G3BP2: variants seen among roughly 807,000 people sequenced by gnomAD.
G3BP2 encodes the protein ras GTPase-activating protein-binding protein 2.
Under a neutral mutation model 56.7 loss-of-function variants are expected in G3BP2, and 11 were observed. The ratio of observed to expected loss-of-function variants is 0.19; its 90% CI spans 0.12 to 0.32. The LOEUF is 0.32. G3BP2 is among the 10% of genes least tolerant of loss of function. The pLI is 1.00. For synonymous variants in G3BP2, 165 were observed against 191.6 expected (o/e 0.86, Z 1.15); for missense variants, 340 against 610.9 (o/e 0.56, Z 4.67).
At chr4:75,703,502 G>A (rs1719425684) in intron 3 of G3BP2, among the ~76,000 whole-genome samples, 1 of 152,096 alleles carries the variant, frequency 6.6e-6, no homozygotes, top group African/African-American at 2.4e-5. Flanking sequence ...GTCCTAAAAT[G>A]TATACGACTG....
Position 75,655,229 on chromosome 4 carries a change from G to C in G3BP2, c.563C>G (p.Pro188Arg), listed in dbSNP as rs964918593. 2 of 1,612,008 alleles carry C rather than the reference G, an allele frequency of 1.2e-6. No individual in the cohort carries two copies. Among genetic ancestry groups the C allele is most frequent in the Non-Finnish European group, 1.7e-6 (2 of 1,178,560 alleles). Residue 188 changes from proline to arginine, a missense_variant, in exon 7 of 12, where the codon CCT (proline) becomes CGT (arginine). By Grantham distance (103) the Pro-to-Arg change is moderately radical (BLOSUM62 -2). Transcript: ENST00000359707. ...AGGTTCATGAGAGGATTCTTCCAAA[G>C]GCTCCTCTATGCCATTACTACAATA... is the stretch of plus-strand genomic sequence containing the variant. Reference protein sequence around the residue: ...AHPVTNGIEEPLEESSHEPEP... With the variant: ...AHPVTNGIEERLEESSHEPEP...
At chr4:75,685,136 A>G (rs1057262805) in intron 3 of G3BP2, among the ~76,000 whole-genome samples, 4 of 152,062 alleles carry the variant, frequency 2.6e-5, no homozygotes, top group East Asian at 1.9e-4. Flanking sequence ...GCAACTTCCT[A>G]TTAATCTATA....
chr4:75,713,764 A>C (rs888593511), intron 3 of G3BP2, among the ~76,000 whole-genome samples: 17 of 152,344 alleles, frequency 1.1e-4, no homozygotes, highest in Middle Eastern at 3.4e-3. Flanking sequence ...ACTGCAGCCC[A>C]GGCGACACAG....
intron 3 of G3BP2, among the ~76,000 whole-genome samples, chr4:75,695,478 T>C (rs1000719658): frequency 1.3e-5 from 2 of 152,010 alleles, no homozygotes; most frequent in Non-Finnish European, 2.9e-5. Context: ...CCCCAGAAAT[T>C]AGCCAAAAAT....
chr4:75,646,889 C>T (rs1286255895), intron 10 of G3BP2, 140 bp downstream of exon 10: 1 of 572,304 alleles, frequency 1.7e-6, no homozygotes, highest in Non-Finnish European at 3.0e-6. Context: ...CTCCCTTCTG[C>T]ACAATTAAGG....
intron 1 of G3BP2, among the ~76,000 whole-genome samples, chr4:75,723,335 T>C (rs1461762906): frequency 2.0e-5 from 3 of 152,152 alleles, no homozygotes; most frequent in Admixed American, 2.0e-4. Flanking sequence ...GATGTTTTGT[T>C]GTTGTTAGTC....
At chr4:75,716,391 T>C (rs1335786260) in intron 3 of G3BP2, among the ~76,000 whole-genome samples, 1 of 152,176 alleles carries the variant, frequency 6.6e-6, no homozygotes, top group African/African-American at 2.4e-5. Flanking sequence ...GCCAGGCTAG[T>C]CTCAAACTCT....
intron 1 of G3BP2, among the ~76,000 whole-genome samples, chr4:75,665,256 C>T (rs989103939): frequency 1.2e-4 from 18 of 152,032 alleles, no homozygotes; most frequent in Non-Finnish European, 2.4e-4. Context: ...CCTTCTTAAA[C>T]TCTCAAACTT....
chr4:75,687,406 C>T (rs1327516508), intron 3 of G3BP2, among the ~76,000 whole-genome samples: 1 of 152,164 alleles, frequency 6.6e-6, no homozygotes, highest in Non-Finnish European at 1.5e-5. Flanking sequence ...ACCTCCTCAG[C>T]CATGTGGAAC....
intron 3 of G3BP2, among the ~76,000 whole-genome samples, chr4:75,694,561 G>A (rs1436975293): frequency 6.6e-6 from 1 of 152,224 alleles, no homozygotes; most frequent in Admixed American, 6.5e-5. Context: ...CCGAGATCGC[G>A]CCACTGCACT....
intron 3 of G3BP2, among the ~76,000 whole-genome samples, chr4:75,689,138 T>G (rs1718745259): frequency 6.6e-6 from 1 of 152,156 alleles, no homozygotes; most frequent in Admixed American, 6.5e-5. Flanking sequence ...ATCCCAGCAC[T>G]TTGGGAGGCG....
At chr4:75,709,807 C>T (rs1200539715) in intron 3 of G3BP2, among the ~76,000 whole-genome samples, 2 of 151,874 alleles carry the variant, frequency 1.3e-5, no homozygotes, top group Admixed American at 6.6e-5. Context: ...GTAGCTAGGA[C>T]TACAGGCACA....
chr4:75,723,929 TGA>T (rs1720288156), intron 1 of G3BP2: 1 of 151,366 alleles, frequency 6.6e-6, no homozygotes, highest in Non-Finnish European at 1.5e-5. Context: ...ACACAGGGGT[TGA>T]GAGTTAATAA....
At chr4:75,665,631 AC>A (rs1732960028) in intron 1 of G3BP2, among the ~76,000 whole-genome samples, 1 of 63,416 alleles carries the variant, frequency 1.6e-5, no homozygotes, top group Non-Finnish European at 3.3e-5. Flanking sequence ...ACACAAACAC[AC>A]ACACACACAC....
upstream of G3BP2, among the ~76,000 whole-genome samples, chr4:75,676,336 ATTTTTTTTTTTTTTT>A (rs34017434): frequency 1.1e-5 from 1 of 92,076 alleles, no homozygotes; most frequent in African/African-American, 4.4e-5. Flanking sequence ...ATTGCCAATA[ATTTTTTTTTTTTTTT>A]TTTTTTTTTG....
chr4:75,655,664 A>T (rs1732040224), intron 6 of G3BP2, 104 bp downstream of exon 6: 1 of 679,332 alleles, frequency 1.5e-6, no homozygotes, highest in South Asian at 1.7e-5. Flanking sequence ...CTGACATAAT[A>T]GGTGGTTTTA....
At chr4:75,723,526 G>C (rs1005757747) in intron 1 of G3BP2, among the ~76,000 whole-genome samples, 1 of 152,226 alleles carries the variant, frequency 6.6e-6, no homozygotes, top group Admixed American at 6.5e-5. Context: ...AAATAGAAAT[G>C]ATAGGACATG....
intron 3 of G3BP2, among the ~76,000 whole-genome samples, chr4:75,683,385 G>A (rs865890967): frequency 7.2e-5 from 11 of 151,908 alleles, no homozygotes; most frequent in East Asian, 1.9e-4. Context: ...AACGTGGTGC[G>A]AAACCCTGTC....
At chr4:75,653,461 G>T (rs1731853239) in intron 8 of G3BP2, among the ~76,000 whole-genome samples, 1 of 151,198 alleles carries the variant, frequency 6.6e-6, no homozygotes, top group Non-Finnish European at 1.5e-5. Flanking sequence ...ATACTAGAAT[G>T]ATCAGTTAAG....
Sources: gnomAD v4.1 joint callset for allele counts (sites outside exome capture counted in the v4.1 genomes callset) on GRCh38, gnomAD v4.1.1 for gene constraint, MANE v1.5 for transcripts, NCBI Gene and HGNC (gene_info 2026-07-23, HGNC 2026-07-21) for gene names.